Variants in FAM222B observed in about 807,000 individuals in gnomAD.
FAM222B encodes the protein protein FAM222B.
Under a neutral mutation model 38.0 loss-of-function variants are expected in FAM222B, and 12 were observed. That is an observed-to-expected ratio of 0.32 (90% CI 0.20 to 0.51). The LOEUF is 0.51. Ranked by LOEUF, FAM222B falls within the 20% of genes least tolerant of loss-of-function variation. The probability of loss-of-function intolerance (pLI) is 0.97; values close to 1 mark genes in which losing one functional copy is unlikely to be tolerated. For missense variants in FAM222B, 716 were observed against 754.2 expected (o/e 0.95, Z 0.59); for synonymous variants, 329 against 317.2 (o/e 1.04, Z -0.40).
In FAM222B at chr17:28,783,313, A is replaced by ATAT. The variant is rs2036242491; in HGVS notation, c.-40-16609_-40-16607dup. 2.0e-5 allele frequency among the ~76,000 whole-genome samples: 3 copies of ATAT among 152,098 alleles called. No individual in the cohort carries two copies. The South Asian group carries it at 6.2e-4, about 32-fold the overall frequency. On this transcript the variant is annotated intron_variant, in intron 1 of 2. Transcript: ENST00000581407. ...TCTTGGAGAAGTTTTCAAAAGGGGAATATCCACGGGTAAATGTCAACTGAA... is the reference window on the plus strand; with the variant it reads ...TCTTGGAGAAGTTTTCAAAAGGGGAATATTATCCACGGGTAAATGTCAACTGAA...
intron 1 of FAM222B, among the ~76,000 whole-genome samples, chr17:28,803,970 GACC>G (rs1166486514): frequency 6.6e-6 from 1 of 151,502 alleles, no homozygotes; most frequent in Admixed American, 6.6e-5. Flanking sequence ...GACAGAGCAA[GACC>G]ACGTCTCAAA....
chr17:28,803,228 G>A (rs984894128), intron 1 of FAM222B, among the ~76,000 whole-genome samples: 2 of 152,012 alleles, frequency 1.3e-5, no homozygotes, highest in East Asian at 1.9e-4. Flanking sequence ...GGCTGGTCTC[G>A]AATGCCTGAC....
chr17:28,817,640 AC>A (rs2038071842), intron 1 of FAM222B, among the ~76,000 whole-genome samples: 1 of 151,994 alleles, frequency 6.6e-6, no homozygotes, highest in Non-Finnish European at 1.5e-5. Context: ...AATCGCTTGA[AC>A]CCAGGAGGCA....
chr17:28,804,032 A>G (rs1312109686), intron 1 of FAM222B, among the ~76,000 whole-genome samples: 2 of 152,098 alleles, frequency 1.3e-5, no homozygotes, highest in African/African-American at 4.8e-5. Context: ...TTCAGTATCA[A>G]AAGCTAGTTT....
At chr17:28,809,297 G>C (rs1597985535) in intron 1 of FAM222B, among the ~76,000 whole-genome samples, 1 of 150,992 alleles carries the variant, frequency 6.6e-6, no homozygotes, top group Non-Finnish European at 1.5e-5. Context: ...GCTGCAGTGA[G>C]CAGAGAGATT....
At chr17:28,761,940 C>T (rs984590926) in intron 2 of FAM222B, 1 of 152,138 alleles carries the variant, frequency 6.6e-6, no homozygotes. Flanking sequence ...CACCTCCATG[C>T]TGGTGGGCTT....
intron 1 of FAM222B, among the ~76,000 whole-genome samples, chr17:28,779,751 A>T (rs567575522): frequency 9.0e-5 from 13 of 144,692 alleles, no homozygotes; most frequent in African/African-American, 3.0e-4. Flanking sequence ...ACTCCGTCTC[A>T]AAATAAATAA....
chr17:28,840,339 C>T (rs530588361), intron 1 of FAM222B, among the ~76,000 whole-genome samples: 2 of 152,204 alleles, frequency 1.3e-5, no homozygotes, highest in African/African-American at 4.8e-5. Flanking sequence ...GCACTCCAGC[C>T]TGGGCGACAG....
upstream of FAM222B, among the ~76,000 whole-genome samples, chr17:28,844,568 G>C (rs1380512788): frequency 1.3e-5 from 2 of 151,932 alleles, no homozygotes; most frequent in African/African-American, 2.4e-5. Context: ...TGAGGCAAGA[G>C]AATGGCGTGA....
intron 1 of FAM222B, among the ~76,000 whole-genome samples, chr17:28,851,065 G>A (rs893634669): frequency 6.6e-6 from 1 of 152,014 alleles, no homozygotes; most frequent in African/African-American, 2.4e-5. Flanking sequence ...GTTGCAGTGA[G>A]CTGAGATCGC....
At chr17:28,776,067 C>T (rs1231231231) in intron 1 of FAM222B, among the ~76,000 whole-genome samples, 1 of 141,692 alleles carries the variant, frequency 7.1e-6, no homozygotes, top group Non-Finnish European at 1.5e-5. Context: ...CAAAGTGAGA[C>T]TTTGTCTCAA....
At chr17:28,808,006 T>G (rs2037571343) in intron 1 of FAM222B, among the ~76,000 whole-genome samples, 1 of 152,246 alleles carries the variant, frequency 6.6e-6, no homozygotes, top group Admixed American at 6.5e-5. Context: ...TTCAGTGGAC[T>G]CTTTCCCTTT....
At chr17:28,829,350 T>C (rs1296926598) in intron 1 of FAM222B, among the ~76,000 whole-genome samples, 2 of 152,036 alleles carry the variant, frequency 1.3e-5, no homozygotes, top group Non-Finnish European at 2.9e-5. Context: ...TTTGTATTTT[T>C]AGTAGAGACA....
intron 1 of FAM222B, among the ~76,000 whole-genome samples, chr17:28,791,774 C>T (rs987757382): frequency 6.6e-6 from 1 of 150,596 alleles, no homozygotes; most frequent in Non-Finnish European, 1.5e-5. Context: ...ATTGTCCTGC[C>T]TCAGTCTCCT....
intron 1 of FAM222B, among the ~76,000 whole-genome samples, chr17:28,770,127 T>C (rs2035552679): frequency 6.6e-6 from 1 of 152,156 alleles, no homozygotes; most frequent in South Asian, 2.1e-4. Flanking sequence ...CATTACCACC[T>C]GTTTTACGTC....
chr17:28,796,927 T>C (rs902039814), intron 1 of FAM222B, among the ~76,000 whole-genome samples: 2 of 151,128 alleles, frequency 1.3e-5, no homozygotes, highest in Non-Finnish European at 2.9e-5. Flanking sequence ...GATGTCTATT[T>C]AGAATAAATC....
chr17:28,790,942 A>G (rs1217383143), intron 1 of FAM222B, among the ~76,000 whole-genome samples: 1 of 99,496 alleles, frequency 1.0e-5, no homozygotes, highest in Non-Finnish European at 1.9e-5. Flanking sequence ...TCTGTTGCCC[A>G]GGCTGGAGTG....
At chr17:28,812,401 C>G (rs1272900067) in intron 1 of FAM222B, 1 of 152,344 alleles carries the variant, frequency 6.6e-6, no homozygotes, top group Non-Finnish European at 1.5e-5. Context: ...GCGCAGGACT[C>G]CGCGGTGCGC....
At chr17:28,777,341 C>T (rs564362221) in intron 1 of FAM222B, among the ~76,000 whole-genome samples, 34 of 152,272 alleles carry the variant, frequency 2.2e-4, no homozygotes, top group Admixed American at 2.1e-3. Context: ...TGTTTCCTGT[C>T]CCCACCCTGA....
Sources: gnomAD v4.1 joint callset for allele counts (sites outside exome capture counted in the v4.1 genomes callset) on GRCh38, gnomAD v4.1.1 for gene constraint, MANE v1.5 for transcripts, NCBI Gene and HGNC (gene_info 2026-07-23, HGNC 2026-07-21) for gene names.